The following PTPRD variants were observed in gnomAD, a reference collection of about 807,000 sequenced individuals.
PTPRD encodes the protein protein tyrosine phosphatase receptor type D.
A neutral mutation model predicts 214.5 loss-of-function variants in PTPRD; 34 were observed. That is an observed-to-expected ratio of 0.16 (90% confidence interval 0.12 to 0.21). The LOEUF (loss-of-function observed/expected upper bound fraction) is 0.21, where lower values mean the gene tolerates loss of function less well. Among genes scored for constraint, PTPRD ranks in the 10% least tolerant of loss-of-function variants. The pLI is 1.00. For synonymous variants in PTPRD, 1,128 were observed against 845.7 expected (o/e 1.33, Z -5.79); for missense variants, 2,545 against 2,398.7 (o/e 1.06, Z -1.27).
chr9:10,531,020 G>A (rs1276629560), intron 2 of PTPRD, among the ~76,000 whole-genome samples: 1 of 151,962 alleles, frequency 6.6e-6, no homozygotes, highest in African/African-American at 2.4e-5. Context: ...TGCGATTGTG[G>A]CTCACTCCAA....
intron 14 of PTPRD, among the ~76,000 whole-genome samples, chr9:8,632,325 A>T (rs1028269681): frequency 1.3e-5 from 2 of 151,938 alleles, no homozygotes; most frequent in Non-Finnish European, 2.9e-5. Flanking sequence ...TATAAAGTAA[A>T]ACCATCCCTC....
chr9:8,926,051 A>G (rs574742979), intron 11 of PTPRD, among the ~76,000 whole-genome samples: 1 of 152,058 alleles, frequency 6.6e-6, no homozygotes, highest in Non-Finnish European at 1.5e-5. Context: ...TATTTATAGA[A>G]AGTACCACCT....
chr9:8,562,141 T>C (rs532107781), intron 14 of PTPRD, among the ~76,000 whole-genome samples: 2 of 152,302 alleles, frequency 1.3e-5, no homozygotes, highest in South Asian at 2.1e-4. Context: ...TGACAGATTC[T>C]GATTTTCCCA....
At chr9:9,729,532 T>C (rs778065344) in intron 7 of PTPRD, among the ~76,000 whole-genome samples, 1 of 152,122 alleles carries the variant, frequency 6.6e-6, no homozygotes, top group Non-Finnish European at 1.5e-5. Context: ...ACACCAATAG[T>C]ATCACTCTCA....
At chr9:10,104,699 A>G (rs1347766229) in intron 3 of PTPRD, among the ~76,000 whole-genome samples, 1 of 151,866 alleles carries the variant, frequency 6.6e-6, no homozygotes, top group Admixed American at 6.6e-5. Flanking sequence ...TAATTTGTGG[A>G]TTTATCTGAA....
intron 12 of PTPRD, among the ~76,000 whole-genome samples, chr9:8,640,657 A>G (rs1401521423): frequency 6.7e-6 from 1 of 149,766 alleles, no homozygotes. Flanking sequence ...AAATAATTTC[A>G]GGGGCTTTTA....
intron 11 of PTPRD, among the ~76,000 whole-genome samples, chr9:8,957,133 G>A (rs1018103582): frequency 2.0e-5 from 3 of 151,848 alleles, no homozygotes; most frequent in Admixed American, 6.6e-5. Context: ...TATGACAATA[G>A]ATGAATCTTG....
intron 2 of PTPRD, among the ~76,000 whole-genome samples, chr9:10,463,087 T>C (rs1008309352): frequency 2.0e-5 from 3 of 151,684 alleles, no homozygotes; most frequent in African/African-American, 4.8e-5. Flanking sequence ...TAAATTTTGA[T>C]GATGTATGTA....
chr9:9,730,048 C>T (rs564285169), intron 7 of PTPRD, among the ~76,000 whole-genome samples: 1 of 152,114 alleles, frequency 6.6e-6, no homozygotes, highest in South Asian at 2.1e-4. Flanking sequence ...ATCATTTTAA[C>T]ACAAAACATT....
intron 5 of PTPRD, among the ~76,000 whole-genome samples, chr9:9,794,515 A>T (rs930391291): frequency 7.2e-5 from 11 of 151,952 alleles, no homozygotes; most frequent in Non-Finnish European, 1.6e-4. Flanking sequence ...GTAGATGACA[A>T]AAATAGAGAG....
rs542385108 is a variant in PTPRD at position 9,370,086 on chromosome 9, C to T, written c.-203+27363G>A. Among the ~76,000 whole-genome samples, 109 of 152,134 alleles carry T rather than the reference C, an allele frequency of 7.2e-4. No individual in the cohort carries two copies. The South Asian group carries it at 9.6e-3, about 13-fold the overall frequency. ...TTCTTTTGGCTTAGGATTGACTTGG[C>T]GATGCGGGCTCTTTTTTCGTTCCAT... On this transcript the variant is annotated intron_variant, in intron 9 of 45. Coordinates refer to ENST00000381196, the MANE Select transcript of PTPRD (RefSeq NM_002839.4).
At chr9:10,504,139 A>AAAAAAAAAAAAAAAAAAAAAAAAAAC (rs2045041716) in intron 2 of PTPRD, among the ~76,000 whole-genome samples, 1 of 147,200 alleles carries the variant, frequency 6.8e-6, no homozygotes, top group African/African-American at 2.5e-5. Context: ...AAAAAAAAAA[A>AAAAAAAAAAAAAAAAAAAAAAAAAAC]AAGATGTACG....
intron 3 of PTPRD, among the ~76,000 whole-genome samples, chr9:10,147,526 T>G (rs559151171): frequency 6.6e-6 from 1 of 152,264 alleles, no homozygotes; most frequent in African/African-American, 2.4e-5. Flanking sequence ...CTAGTCAAAA[T>G]TTAATTTTTC....
intron 7 of PTPRD, among the ~76,000 whole-genome samples, chr9:9,663,816 A>C (rs2096663895): frequency 6.6e-6 from 1 of 151,640 alleles, no homozygotes. Context: ...TAACAGCTGT[A>C]ACAGTTGATT....
intron 3 of PTPRD, among the ~76,000 whole-genome samples, chr9:10,263,715 C>A (rs1379400605): frequency 2.0e-5 from 3 of 152,086 alleles, no homozygotes; most frequent in African/African-American, 7.2e-5. Flanking sequence ...GAAATTCAAG[C>A]GTGCTGCAGA....
chr9:9,513,862 C>G (rs1337116464), intron 8 of PTPRD, among the ~76,000 whole-genome samples: 1 of 151,970 alleles, frequency 6.6e-6, no homozygotes, highest in Non-Finnish European at 1.5e-5. Context: ...TTAGCATTTT[C>G]TTCCTCAAAT....
chr9:9,154,692 T>C (rs2099879721), intron 10 of PTPRD, among the ~76,000 whole-genome samples: 1 of 152,198 alleles, frequency 6.6e-6, no homozygotes, highest in South Asian at 2.1e-4. Flanking sequence ...AAAGCCTGTG[T>C]CCCAGCTCTT....
chr9:9,886,743 A>C (rs555087007), intron 5 of PTPRD, among the ~76,000 whole-genome samples: 1 of 152,156 alleles, frequency 6.6e-6, no homozygotes, highest in Non-Finnish European at 1.5e-5. Context: ...TGCAGCCTCC[A>C]TCTTGTTTGC....
At chr9:9,058,684 C>A (rs1391165650) in intron 10 of PTPRD, among the ~76,000 whole-genome samples, 2 of 151,310 alleles carry the variant, frequency 1.3e-5, no homozygotes, top group East Asian at 2.0e-4. Context: ...CTCCTGACCT[C>A]GTGATCCGCC....
Sources: allele counts gnomAD v4.1 joint callset (sites outside exome capture counted in the v4.1 genomes callset), GRCh38; gene constraint gnomAD v4.1.1; transcripts MANE v1.5; gene names NCBI Gene and HGNC (gene_info 2026-07-23, HGNC 2026-07-21).